The following KLHL30 variants were observed in gnomAD, a reference collection of about 807,000 sequenced individuals.
The protein encoded by KLHL30 is kelch like family member 30.
Under a neutral mutation model 55.0 loss-of-function variants are expected in KLHL30, and 55 were observed. The ratio of observed to expected loss-of-function variants is 1.00; its 90% CI spans 0.80 to 1.25. The LOEUF (loss-of-function observed/expected upper bound fraction) is 1.25, where lower values mean the gene tolerates loss of function less well. KLHL30 is among the 50% of genes most tolerant of loss of function. The pLI, the probability that KLHL30 is intolerant of heterozygous loss-of-function variation, is 0.00. For synonymous variants in KLHL30, 356 were observed against 372.6 expected, an observed-to-expected ratio of 0.96 and a Z score of 0.51; for missense variants, 786 against 811.6, an observed-to-expected ratio of 0.97 and a Z score of 0.38.
intron 3 of KLHL30, among the ~76,000 whole-genome samples, chr2:238,144,237 A>G (rs1692590490): frequency 6.6e-6 from 1 of 152,164 alleles, no homozygotes; most frequent in Admixed American, 6.5e-5. Context: ...TTCTACAACA[A>G]GGAAACTGAG....
At position 238,152,854 on chromosome 2, in the gene KLHL30, A is replaced by C. The variant is rs1389787059; in HGVS notation, c.*1789A>C. On this transcript the variant is annotated 3_prime_UTR_variant, in exon 8 of 8. Coordinates refer to ENST00000409223, the MANE Select transcript of KLHL30 (RefSeq NM_198582.4). ...ACAGTGATGGAAGGAGGTCAGCCAA[A>C]GGGCTGTTTAAAAACAAAGCCTCCA... 1 of 152,282 alleles carries C rather than the reference A, an allele frequency of 6.6e-6. No homozygotes were observed. The highest frequency in any genetic ancestry group is 1.5e-5 in the Non-Finnish European group (1 of 68,050). The allele number at this position is 152,282 out of a possible 1,614,324, so 9.4% of individuals were successfully genotyped here.
rs1692541134 is a variant in KLHL30, at chr2:238,141,506, C to A, written c.752C>A (p.Ala251Asp). 1.4e-6 allele frequency: 2 copies of A among 1,459,270 alleles called. No individual in the cohort carries two copies. The highest frequency in any genetic ancestry group is 1.8e-6 in the Non-Finnish European group (2 of 1,111,094). The allele number at this position is 1,459,270 out of a possible 1,614,324, so 90.4% of individuals were successfully genotyped here. ...LIQESEACRA[A>D]LSQGHDGAPL... ...CAGGAGTCAGAGGCATGCCGGGCAG[C>A]CCTGTCCCAGGGCCATGATGGGGTG... Residue 251 changes from alanine (A) to aspartate (D), a missense_variant, in exon 2 of 8, where the codon GCC becomes GAC. Coordinates refer to ENST00000409223, the MANE Select transcript of KLHL30 (RefSeq NM_198582.4).
At position 238,150,876 on chromosome 2, in the gene KLHL30, C is replaced by T. The variant is rs570798925; in HGVS notation, c.1548C>T (p.Tyr516=). ...GALVPLGDAL[Y]VTGGRWQGME... is the part of the protein sequence containing the mutation. The stretch of plus-strand genomic sequence containing the variant: ...TGGTGCCACTGGGTGATGCGCTGTA[C>T]GTGACGGGCGGCCGCTGGCAGGGCA... The change falls in exon 8 of 8, where the codon TAC becomes TAT. Residue 516 remains tyrosine (Y), a synonymous_variant. Coordinates refer to ENST00000409223, the MANE Select transcript of KLHL30 (RefSeq NM_198582.4). 2.3e-5 allele frequency: 36 copies of T among 1,596,858 alleles called. No homozygotes were observed. The highest frequency in any genetic ancestry group is 9.1e-5 in the East Asian group (4 of 43,914).
chr2:238,139,879 A>G (rs917873317), intron 1 of KLHL30, among the ~76,000 whole-genome samples: 14 of 152,218 alleles, frequency 9.2e-5, no homozygotes, highest in African/African-American at 2.9e-4. Flanking sequence ...CCAGAAGGAC[A>G]TAAACCACAT....
intron 2 of KLHL30, among the ~76,000 whole-genome samples, chr2:238,142,215 C>T (rs1468635014): frequency 1.3e-5 from 2 of 152,202 alleles, no homozygotes; most frequent in East Asian, 1.9e-4. Flanking sequence ...GTGGCTCAGA[C>T]TGATGGTCCT....
Position 238,151,513 on chromosome 2 carries a change from AT to A in KLHL30, c.*449del. 2 of 204,066 alleles carry A rather than the reference AT, an allele frequency of 9.8e-6. No homozygotes were observed. Among genetic ancestry groups the A allele is most frequent in the East Asian group, 1.3e-4 (1 of 7,806 alleles). The allele number at this position is 204,066 out of a possible 1,614,324, so 12.6% of individuals were successfully genotyped here. A position where few individuals can be genotyped will look rare whatever the true frequency, so the allele number is the denominator to read the frequency against. ...GGGGAAGGCAGGCCCCGGAGATGGG[AT>A]CAGCACCAGGTCCTCGTGGGCCTGC... On this transcript the variant is annotated 3_prime_UTR_variant, in exon 8 of 8. Coordinates refer to ENST00000409223, the MANE Select transcript of KLHL30 (RefSeq NM_198582.4).
rs1692777132 is a variant in KLHL30, at chr2:238,152,546, T to A, written c.*1481T>A. ...ACCACGCCTGACTAATTTTTGTATT[T>A]TTAGTAGAAACAGGGTTTCACCATG... On this transcript the variant is annotated 3_prime_UTR_variant, in exon 8 of 8. Transcript: ENST00000409223. 1 of 152,112 alleles carries A rather than the reference T, an allele frequency of 6.6e-6. No individual in the cohort carries two copies. Among genetic ancestry groups the A allele is most frequent in the Admixed American group, 6.5e-5 (1 of 15,274 alleles). The allele number at this position is 152,112 out of a possible 1,614,324, so 9.4% of individuals were successfully genotyped here.
chr2:238,151,931 G>A lies in KLHL30; in HGVS notation c.*866G>A, dbSNP rs890898667. The A allele has an allele frequency of 1.9e-5, 19 of 985,480 alleles. No homozygotes were observed. Among genetic ancestry groups the A allele is most frequent in the African/African-American group, 1.6e-4 (9 of 57,354 alleles). 61.0% of individuals were successfully genotyped at this position (985,480 alleles called of 1,614,324 possible). On this transcript the variant is annotated 3_prime_UTR_variant, in exon 8 of 8. Transcript: ENST00000409223. Reference sequence around the variant, plus strand: ...GGCAGCCTCCTGAGGGTGAGGGGTAGCATCCGATGGGCCCCTGCCAGCATG... The same window carrying A: ...GGCAGCCTCCTGAGGGTGAGGGGTAACATCCGATGGGCCCCTGCCAGCATG...
rs1692763603 is a variant in KLHL30, at chr2:238,151,937, G to T, written c.*872G>T. On this transcript the variant is annotated 3_prime_UTR_variant, in exon 8 of 8. Transcript: ENST00000409223. ...CTCCTGAGGGTGAGGGGTAGCATCC[G>T]ATGGGCCCCTGCCAGCATGCAGCCC... The T allele has an allele frequency of 3.0e-6, 3 of 985,360 alleles. No homozygotes were observed. The highest frequency in any genetic ancestry group is 3.6e-6 in the Non-Finnish European group (3 of 829,952). The allele number at this position is 985,360 out of a possible 1,614,324, so 61.0% of individuals were successfully genotyped here. A position where few individuals can be genotyped will look rare whatever the true frequency, so the allele number is the denominator to read the frequency against.
chr2:238,142,481 C>G (rs1465615473), intron 2 of KLHL30, among the ~76,000 whole-genome samples: 1 of 152,294 alleles, frequency 6.6e-6, no homozygotes, highest in South Asian at 2.1e-4. Context: ...CCTAAGACAG[C>G]CAGCATTTCC....
rs1692701560 is a variant in KLHL30, at chr2:238,149,090, C to T, written c.1423C>T (p.Leu475Phe). ...RCAALHGELYLIGDNTKKVYV... is the reference protein window; with the variant it reads ...RCAALHGELYFIGDNTKKVYV... ...TGCTGCACTGCACGGGGAGCTCTAC[C>T]TCATTGGGGACAACACCAAGAAGGT... Residue 475 changes from leucine (L) to phenylalanine (F), a missense_variant, in exon 7 of 8, where the codon CTC becomes TTC. Physicochemically the swap from Leu to Phe is conservative, Grantham distance 22. Coordinates refer to ENST00000409223, the MANE Select transcript of KLHL30 (RefSeq NM_198582.4). 6.2e-7 allele frequency: 1 copy of T among 1,613,156 alleles called. No homozygotes were observed. Among genetic ancestry groups the T allele is most frequent in the Admixed American group, 1.7e-5 (1 of 60,000 alleles).
In KLHL30 at chr2:238,151,175, C is replaced by T. The variant is rs369487716; in HGVS notation, c.*110C>T. 9.1e-6 allele frequency: 13 copies of T among 1,427,260 alleles called. No homozygotes were observed. The African/African-American group carries it at 1.7e-4, about 19-fold the overall frequency. The allele number at this position is 1,427,260 out of a possible 1,614,324, so 88.4% of individuals were successfully genotyped here. On this transcript the variant is annotated 3_prime_UTR_variant, in exon 8 of 8. Coordinates refer to ENST00000409223, the MANE Select transcript of KLHL30 (RefSeq NM_198582.4). ...GTTCACTCGGAGCTACCATTCCTTC[C>T]AAGCTGCGCTCAGGCCACCAGGGGT...
At position 238,148,261 on chromosome 2, in the gene KLHL30, G is replaced by A. The variant is rs568632586; in HGVS notation, c.1339+239G>A. On this transcript the variant is annotated intron_variant, in intron 6 of 7. Coordinates refer to ENST00000409223, the MANE Select transcript of KLHL30 (RefSeq NM_198582.4). The stretch of plus-strand genomic sequence containing the variant: ...GTCCCAGCACAGAGGCGAGCTGCAC[G>A]TCTGTCCTGCTCAGGCCTTAGGGCA... 1.8e-3 allele frequency among the ~76,000 whole-genome samples: 280 copies of A among 151,430 alleles called. 2 individuals are homozygous for A. The highest frequency in any genetic ancestry group is 2.0e-3 in the Non-Finnish European group (136 of 67,808).
intron 6 of KLHL30, among the ~76,000 whole-genome samples, chr2:238,148,720 C>A (rs973052223): frequency 6.6e-6 from 1 of 152,302 alleles, no homozygotes; most frequent in African/African-American, 2.4e-5. Context: ...GGCCAAAGCA[C>A]CCCCACCACA....
chr2:238,138,966 G>T (rs1692481496), intron 1 of KLHL30, among the ~76,000 whole-genome samples: 1 of 152,228 alleles, frequency 6.6e-6, no homozygotes, highest in Non-Finnish European at 1.5e-5. Flanking sequence ...CCCAGCCGGA[G>T]AGGTGGGAGG....
Position 238,145,686 on chromosome 2 carries a change from G to A in KLHL30, c.1004G>A (p.Arg335Gln), listed in dbSNP as rs541029231. 29 of 1,578,574 alleles carry A rather than the reference G, an allele frequency of 1.8e-5. No individual in the cohort carries two copies. In the East Asian group the frequency reaches 2.3e-4, roughly 13 times the overall value. Residue 335 changes from arginine to glutamine, a missense_variant, in exon 5 of 8, where the codon CGG (arginine) becomes CAG (glutamine). Transcript: ENST00000409223. ...NNNIYVTGGS[R>Q]GTKTDTWSTT... ...GAACTTCTCCCGGCAGGTGGCTCTCGGGGCACAAAGACAGACACCTGGTCA... is the reference window on the plus strand; with the variant it reads ...GAACTTCTCCCGGCAGGTGGCTCTCAGGGCACAAAGACAGACACCTGGTCA...
At chr2:238,144,824 C>A (rs904769777) in intron 3 of KLHL30, 78 bp from the exon 4 acceptor site, 3 of 1,057,656 alleles carry the variant, frequency 2.8e-6, no homozygotes, top group African/African-American at 3.1e-5. Flanking sequence ...CATGGAAAGG[C>A]ACCTGGGAAG....
At chr2:238,140,655 C>A (rs1692513795) in intron 1 of KLHL30, 30 bp from the exon 2 acceptor site, 17 of 1,313,118 alleles carry the variant, frequency 1.3e-5, no homozygotes, top group Non-Finnish European at 1.7e-5. Context: ...ACCATCCCCA[C>A]TTGGCTGACC....
At chr2:238,145,057 G>A (rs373256160) in intron 4 of KLHL30, 69 bp downstream of exon 4, 41 of 1,227,326 alleles carry the variant, frequency 3.3e-5, no homozygotes, top group African/African-American at 8.9e-5. Context: ...GCAACTCCCC[G>A]CACTCCGTGG....
Sources: allele counts gnomAD v4.1 joint callset (sites outside exome capture counted in the v4.1 genomes callset), GRCh38; gene constraint gnomAD v4.1.1; transcripts MANE v1.5; gene names NCBI Gene and HGNC (gene_info 2026-07-23, HGNC 2026-07-21).